DHRSX: variants seen among roughly 807,000 people sequenced by gnomAD.
The protein encoded by DHRSX is polyprenol dehydrogenase.
Under a neutral mutation model 34.0 loss-of-function variants are expected in DHRSX, and 31 were observed. That is an observed-to-expected ratio of 0.91 (90% CI 0.69 to 1.23). The LOEUF (loss-of-function observed/expected upper bound fraction) is 1.23, where lower values mean the gene tolerates loss of function less well. Ranked by LOEUF, DHRSX falls within the 50% of genes most tolerant of loss-of-function variation. The probability of loss-of-function intolerance (pLI) is 0.00; values close to 1 mark genes in which losing one functional copy is unlikely to be tolerated. For synonymous variants in DHRSX, 201 were observed against 183.8 expected (o/e 1.09, Z -0.76); for missense variants, 414 against 428.1 (o/e 0.97, Z 0.29).
chrX:2,315,652 T>C (rs35660934), intron 3 of DHRSX, among the ~76,000 whole-genome samples: 115,229 of 151,888 alleles, frequency 0.76, 44,772 homozygotes, highest in African/African-American at 0.86. Context: ...AACGTAGTAG[T>C]TTAAAAAACA....
rs1284306020 is a variant in DHRSX at position 2,438,780 on chromosome X, C to T, written c.110-13476G>A. 2.6e-5 allele frequency among the ~76,000 whole-genome samples: 4 copies of T among 151,978 alleles called. 1 individual carries two copies. The East Asian group carries it at 7.8e-4, about 29-fold the overall frequency. On this transcript the variant is annotated intron_variant, in intron 1 of 6. Transcript: ENST00000334651. Reference sequence around the variant, plus strand: ...GCAGGTGGAGCTTCATATATTCACACATTACAGAATGTATACACATACATA... The same window carrying T: ...GCAGGTGGAGCTTCATATATTCACATATTACAGAATGTATACACATACATA...
At chrX:2,480,066 C>G (rs1331993459) in intron 1 of DHRSX, among the ~76,000 whole-genome samples, 1 of 142,900 alleles carries the variant, frequency 7.0e-6, no homozygotes, top group Non-Finnish European at 1.5e-5. Context: ...ACCTGCACCC[C>G]CTGTGCACTG....
At chrX:2,335,915 C>A (rs1296739858) in intron 3 of DHRSX, among the ~76,000 whole-genome samples, 1 of 152,122 alleles carries the variant, frequency 6.6e-6, no homozygotes, top group Non-Finnish European at 1.5e-5. Flanking sequence ...ACTTAGGCGA[C>A]ATCCATGGAG....
chrX:2,346,653 T>TTTGTTG (rs1556483987), intron 3 of DHRSX, among the ~76,000 whole-genome samples: 19,422 of 150,772 alleles, frequency 0.13, 3,802 homozygotes, highest in African/African-American at 0.42. Context: ...TGGTTTTTTT[T>TTTGTTG]TTGTTGTTGT....
intron 1 of DHRSX, among the ~76,000 whole-genome samples, chrX:2,438,227 A>T (rs1485117159): frequency 6.6e-6 from 1 of 150,568 alleles, no homozygotes; most frequent in Non-Finnish European, 1.5e-5. Context: ...GAACAGAATG[A>T]TCTAGGAGTA....
intron 5 of DHRSX, among the ~76,000 whole-genome samples, chrX:2,248,700 A>G (rs2016361913): frequency 6.6e-6 from 1 of 151,858 alleles, no homozygotes; most frequent in Admixed American, 6.6e-5. Flanking sequence ...GTTTGAATGT[A>G]GGTTCTACGA....
At chrX:2,359,488 C>T (rs1195864264) in intron 3 of DHRSX, among the ~76,000 whole-genome samples, 4 of 152,014 alleles carry the variant, frequency 2.6e-5, no homozygotes, top group Non-Finnish European at 5.9e-5. Flanking sequence ...CCAGTCTGGC[C>T]AACACATGGT....
chrX:2,236,067 G>A (rs1217543165), intron 6 of DHRSX, among the ~76,000 whole-genome samples: 6 of 151,354 alleles, frequency 4.0e-5, no homozygotes, highest in African/African-American at 7.3e-5. Flanking sequence ...AGCTGAGATC[G>A]CGCCATTGTA....
intron 1 of DHRSX, among the ~76,000 whole-genome samples, chrX:2,462,570 C>T (rs1361682372): frequency 6.6e-6 from 1 of 151,924 alleles, no homozygotes; most frequent in South Asian, 2.1e-4. Context: ...ATCGGACATG[C>T]TGGGTTGGAC....
At chrX:2,315,677 T>A (rs2042233747) in intron 3 of DHRSX, among the ~76,000 whole-genome samples, 1 of 152,124 alleles carries the variant, frequency 6.6e-6, no homozygotes, top group Non-Finnish European at 1.5e-5. Context: ...CCCTTTATGA[T>A]CTCACAGTTC....
chrX:2,315,841 G>C (rs1417508472), intron 3 of DHRSX, among the ~76,000 whole-genome samples: 1 of 152,086 alleles, frequency 6.6e-6, no homozygotes, highest in African/African-American at 2.4e-5. Context: ...TCAGCTTCTT[G>C]TGGTTGTGAG....
At chrX:2,308,237 G>C (rs1255418514) in intron 3 of DHRSX, among the ~76,000 whole-genome samples, 1 of 151,820 alleles carries the variant, frequency 6.6e-6, no homozygotes, top group Non-Finnish European at 1.5e-5. Flanking sequence ...TTCAGCCAAC[G>C]AGGGCGCTCC....
intron 3 of DHRSX, among the ~76,000 whole-genome samples, chrX:2,371,658 C>G (rs1472241549): frequency 2.0e-5 from 3 of 149,592 alleles, no homozygotes; most frequent in African/African-American, 7.4e-5. Context: ...CACTCCTCCC[C>G]TTACCATAGT....
chrX:2,322,274 C>A lies in DHRSX; in HGVS notation c.287-30671G>T, dbSNP rs745996251. 3.3e-5 allele frequency among the ~76,000 whole-genome samples: 5 copies of A among 152,160 alleles called. No individual in the cohort carries two copies. The South Asian group carries it at 1.0e-3, about 32-fold the overall frequency. ...CTTAGAATAAAAGTTCCTTATCAGG[C>A]GTGGTGGCTCAAGCCTGTAATCTCC... On this transcript the variant is annotated intron_variant, in intron 3 of 6. Coordinates refer to ENST00000334651, the MANE Select transcript of DHRSX (RefSeq NM_145177.3).
intron 5 of DHRSX, among the ~76,000 whole-genome samples, chrX:2,264,504 G>A (rs546126778): frequency 2.7e-5 from 4 of 150,926 alleles, no homozygotes; most frequent in Admixed American, 2.0e-4. Context: ...GTGTCCAGCA[G>A]ACTCAGGGAG....
chrX:2,330,966 G>C (rs896126187), intron 3 of DHRSX, among the ~76,000 whole-genome samples: 61 of 152,146 alleles, frequency 4.0e-4, no homozygotes, highest in Non-Finnish European at 7.4e-4. Context: ...CTTATCACAC[G>C]TCCAAGGAGA....
chrX:2,261,057 A>T (rs1569481116), intron 5 of DHRSX, among the ~76,000 whole-genome samples: 3 of 151,860 alleles, frequency 2.0e-5, no homozygotes, highest in African/African-American at 7.3e-5. Flanking sequence ...TAAAAATACA[A>T]AAATTAGCTG....
At chrX:2,334,636 G>T (rs1353593152) in intron 3 of DHRSX, 1 of 152,060 alleles carries the variant, frequency 6.6e-6, no homozygotes, top group Non-Finnish European at 1.5e-5. Flanking sequence ...AAAAATTTTT[G>T]TAGAAATGGC....
At chrX:2,355,614 TA>T (rs961028844) in intron 3 of DHRSX, among the ~76,000 whole-genome samples, 1 of 139,614 alleles carries the variant, frequency 7.2e-6, no homozygotes, top group African/African-American at 2.6e-5. Flanking sequence ...TCATATCAGA[TA>T]AAAAATAATA....
Sources: allele counts gnomAD v4.1 joint callset (sites outside exome capture counted in the v4.1 genomes callset), GRCh38; gene constraint gnomAD v4.1.1; transcripts MANE v1.5; gene names NCBI Gene and HGNC (gene_info 2026-07-23, HGNC 2026-07-21).